The following KIRREL3 variants were observed in gnomAD, a reference collection of about 807,000 sequenced individuals.
The protein encoded by KIRREL3 is kirre like nephrin family adhesion molecule 3.
A neutral mutation model predicts 89.7 loss-of-function variants in KIRREL3; 36 were observed. That is an observed-to-expected ratio of 0.40 (90% CI 0.31 to 0.53). The LOEUF is 0.53. Among genes scored for constraint, KIRREL3 ranks in the 20% least tolerant of loss-of-function variants. KIRREL3 has a pLI of 0.49. For missense variants in KIRREL3, 864 were observed against 1,056.6 expected (o/e 0.82, Z 2.53); for synonymous variants, 445 against 441.4 (o/e 1.01, Z -0.10).
chr11:126,583,824 G>C (rs577126121), intron 1 of KIRREL3, among the ~76,000 whole-genome samples: 1 of 152,318 alleles, frequency 6.6e-6, no homozygotes, highest in African/African-American at 2.4e-5. Flanking sequence ...TCTCCATTTA[G>C]AAAGTGACAG....
chr11:126,473,441 C>A lies in KIRREL3; in HGVS notation c.459G>T (p.Leu153=). 6.4e-7 allele frequency: 1 copy of A among 1,569,136 alleles called. No homozygotes were observed. The highest frequency in any genetic ancestry group is 8.7e-7 in the Non-Finnish European group (1 of 1,148,386). ...VLVPPDDPVI[L]GGPVISLRAG... ...CACGCAGGCTGATCACAGGGCCCCC[C>A]AGGATGACGGGGTCATCAGGCGGCA... Residue 153 remains leucine, a synonymous_variant, in exon 5 of 17, where the codon CTG becomes CTT. Transcript: ENST00000525144.
At chr11:126,726,060 C>A (rs766713682) in intron 1 of KIRREL3, among the ~76,000 whole-genome samples, 9 of 152,136 alleles carry the variant, frequency 5.9e-5, no homozygotes, top group Non-Finnish European at 1.2e-4. Flanking sequence ...GTGGACAGGG[C>A]CCTGGAGAAC....
rs576209368 is a variant in KIRREL3 at position 126,773,420 on chromosome 11, A to G, written c.56-210508T>C. On this transcript the variant is annotated intron_variant, in intron 1 of 16. Transcript: ENST00000525144. The surrounding 1 kb of genome is among the most constrained non-coding windows in gnomAD (Gnocchi z 4.2). Reference sequence around the variant, plus strand: ...CAATGTGGACTCCTTCCTGGGTCTCAGGTCTGACAGCCAACCCTGCAGATT... The same window carrying G: ...CAATGTGGACTCCTTCCTGGGTCTCGGGTCTGACAGCCAACCCTGCAGATT... 6.6e-6 allele frequency among the ~76,000 whole-genome samples: 1 copy of G among 152,200 alleles called. No homozygotes were observed. The highest frequency in any genetic ancestry group is 1.5e-5 in the Non-Finnish European group (1 of 68,034).
chr11:126,777,979 C>A (rs1292661448), intron 1 of KIRREL3, among the ~76,000 whole-genome samples: 1 of 149,808 alleles, frequency 6.7e-6, no homozygotes. Flanking sequence ...TGCATGGTTG[C>A]AAGGACTGGG....
Position 126,512,597 on chromosome 11 carries a change from T to G in KIRREL3, c.433+8718A>C, listed in dbSNP as rs1182400923. Among the ~76,000 whole-genome samples, 10 of 152,162 alleles carry G rather than the reference T, an allele frequency of 6.6e-5. No homozygotes were observed. The South Asian group carries it at 8.3e-4, about 13-fold the overall frequency. ...CGCATGTTATAGGAAGGGGCTTAGATTTCACTTGCAGCCCTGGAGCTGATG... is the reference window on the plus strand; with the variant it reads ...CGCATGTTATAGGAAGGGGCTTAGAGTTCACTTGCAGCCCTGGAGCTGATG... On this transcript the variant is annotated intron_variant, in intron 4 of 16. Coordinates refer to ENST00000525144, the MANE Select transcript of KIRREL3 (RefSeq NM_032531.4).
At chr11:126,758,178 T>C (rs1272544076) in intron 1 of KIRREL3, among the ~76,000 whole-genome samples, 2 of 152,276 alleles carry the variant, frequency 1.3e-5, no homozygotes, top group African/African-American at 4.8e-5. Context: ...GACTTTTCGA[T>C]AAAGCTGCCC....
chr11:126,881,688 C>T (rs1388766741), intron 1 of KIRREL3, among the ~76,000 whole-genome samples: 1 of 152,118 alleles, frequency 6.6e-6, no homozygotes, highest in East Asian at 1.9e-4. Context: ...GCTGTGATTA[C>T]AGGTACCCAC....
At position 126,431,444 on chromosome 11, in the gene KIRREL3, C is replaced by G; in HGVS notation, c.1671G>C (p.Ala557=). The change falls in exon 14 of 17, where the codon GCG becomes GCC. Residue 557 remains alanine (A), a synonymous_variant. Coordinates refer to ENST00000525144, the MANE Select transcript of KIRREL3 (RefSeq NM_032531.4). The surrounding 1 kb of genome is among the most constrained non-coding windows in gnomAD (Gnocchi z 7.1). ...TTCTCTGGGAACGGGCACAGCAGAA[C>G]GCCACGATGGTTGCCATAAGGACGA... The part of the protein sequence containing the change: ...AFLVLMATIV[A]FCCARSQRNL... 1.9e-6 allele frequency: 3 copies of G among 1,614,038 alleles called. No homozygotes were observed. Among genetic ancestry groups the G allele is most frequent in the Non-Finnish European group, 2.5e-6 (3 of 1,179,900 alleles).
rs556170915 is a variant in KIRREL3, at chr11:126,578,565, T to A, written c.56-15653A>T. ...GTGGACACATTGTGAACAGTAAGTA[T>A]CATGAATGTGTGACAGCATGTGGGG... On this transcript the variant is annotated intron_variant, in intron 1 of 16. Coordinates refer to ENST00000525144, the MANE Select transcript of KIRREL3 (RefSeq NM_032531.4). This position sits in a 1 kb window ranked among gnomAD's most constrained non-coding sequence, Gnocchi z 4.9. Among the ~76,000 whole-genome samples the A allele has an allele frequency of 6.6e-6, 1 of 152,218 alleles. No homozygotes were observed. The highest frequency in any genetic ancestry group is 1.9e-4 in the East Asian group (1 of 5,178).
rs1421496788 is a variant in KIRREL3 at position 126,614,102 on chromosome 11, T to C, written c.56-51190A>G. ...GTGGGTGGCATTTTGACATCACATT[T>C]TAAGACAGGGTACAGATGTAAGTGG... On this transcript the variant is annotated intron_variant, in intron 1 of 16. Transcript: ENST00000525144. The surrounding 1 kb of genome is among the most constrained non-coding windows in gnomAD (Gnocchi z 4.6). Among the ~76,000 whole-genome samples the C allele has an allele frequency of 3.3e-5, 5 of 152,126 alleles. No homozygotes were observed. Among genetic ancestry groups the C allele is most frequent in the Non-Finnish European group, 7.4e-5 (5 of 68,008 alleles).
chr11:126,563,639 T>C lies in KIRREL3; in HGVS notation c.56-727A>G, dbSNP rs1940298115. Among the ~76,000 whole-genome samples the C allele has an allele frequency of 6.6e-6, 1 of 152,144 alleles. No homozygotes were observed. The highest frequency in any genetic ancestry group is 2.1e-4 in the South Asian group (1 of 4,824). On this transcript the variant is annotated intron_variant, in intron 1 of 16. Transcript: ENST00000525144. The surrounding 1 kb of genome is among the most constrained non-coding windows in gnomAD (Gnocchi z 6.8). ...CGGACTCCACAGGGCTTTGACCCAGTTGGAAAAACAAGATGGAATAACAAT... is the reference window on the plus strand; with the variant it reads ...CGGACTCCACAGGGCTTTGACCCAGCTGGAAAAACAAGATGGAATAACAAT...
intron 1 of KIRREL3, among the ~76,000 whole-genome samples, chr11:126,702,399 T>C (rs951671923): frequency 8.5e-5 from 13 of 152,192 alleles, no homozygotes; most frequent in African/African-American, 3.1e-4. Context: ...ATGTCACATC[T>C]TCATGTGGAG....
intron 1 of KIRREL3, among the ~76,000 whole-genome samples, chr11:126,619,757 A>T (rs1331843735): frequency 1.3e-5 from 2 of 152,228 alleles, no homozygotes; most frequent in Non-Finnish European, 2.9e-5. Context: ...CATTGTTCCT[A>T]AAGATAGAAT....
intron 1 of KIRREL3, among the ~76,000 whole-genome samples, chr11:126,631,543 G>A (rs139893637): frequency 8.5e-5 from 13 of 152,302 alleles, no homozygotes; most frequent in African/African-American, 3.1e-4. Context: ...AAATTGAGAT[G>A]GAGAGAGGTG....
chr11:126,718,033 C>T (rs1301011562), intron 1 of KIRREL3, among the ~76,000 whole-genome samples: 2 of 152,140 alleles, frequency 1.3e-5, no homozygotes, highest in Admixed American at 1.3e-4. Flanking sequence ...TTAAAATATC[C>T]CTTGCCTCAT....
intron 1 of KIRREL3, among the ~76,000 whole-genome samples, chr11:126,850,509 C>T (rs887242066): frequency 1.3e-5 from 2 of 152,214 alleles, no homozygotes; most frequent in African/African-American, 4.8e-5. Flanking sequence ...GTTCTCCCAA[C>T]TCCTCCTCTA....
chr11:126,847,035 G>T (rs560518114), intron 1 of KIRREL3, among the ~76,000 whole-genome samples: 1 of 152,160 alleles, frequency 6.6e-6, no homozygotes, highest in African/African-American at 2.4e-5. Flanking sequence ...GGTTATAAAA[G>T]GTTTATGAAG....
chr11:126,847,023 AG>A (rs1250606764), intron 1 of KIRREL3, among the ~76,000 whole-genome samples: 4 of 152,170 alleles, frequency 2.6e-5, no homozygotes, highest in Non-Finnish European at 4.4e-5. Flanking sequence ...AAAATTACAA[AG>A]GGTTATAAAA....
intron 6 of KIRREL3, among the ~76,000 whole-genome samples, chr11:126,461,208 C>T (rs1055209009): frequency 9.9e-5 from 15 of 152,266 alleles, no homozygotes; most frequent in Admixed American, 3.9e-4. Flanking sequence ...GGATGCTGGA[C>T]TGCATGGCTT....
Sources: allele counts gnomAD v4.1 joint callset (sites outside exome capture counted in the v4.1 genomes callset), GRCh38; gene constraint gnomAD v4.1.1; non-coding constraint Gnocchi (gnomAD v3.1); transcripts MANE v1.5; gene names NCBI Gene and HGNC (gene_info 2026-07-23, HGNC 2026-07-21).